The following GABRG3 variants were observed in gnomAD, a reference collection of about 807,000 sequenced individuals.
GABRG3 encodes gamma-aminobutyric acid receptor subunit gamma-3.
A neutral mutation model predicts 48.8 loss-of-function variants in GABRG3; 25 were observed. The observed-to-expected ratio is 0.51, with a 90% CI of 0.37 to 0.72. The LOEUF is 0.72. GABRG3 is among the 30% of genes least tolerant of loss of function. The probability of loss-of-function intolerance (pLI) is 0.00; values close to 1 mark genes in which losing one functional copy is unlikely to be tolerated. For synonymous variants in GABRG3, 227 were observed against 217.6 expected (o/e 1.04, Z -0.38); for missense variants, 394 against 577.9 (o/e 0.68, Z 3.26).
At chr15:27,362,656 G>A (rs897331070) in intron 5 of GABRG3, 10 of 152,182 alleles carry the variant, frequency 6.6e-5, no homozygotes, top group Non-Finnish European at 1.0e-4. Flanking sequence ...CCATATGAAA[G>A]GAACTGGGAT....
At chr15:27,384,529 T>A (rs1303617317) in intron 5 of GABRG3, among the ~76,000 whole-genome samples, 2 of 152,202 alleles carry the variant, frequency 1.3e-5, no homozygotes, top group Non-Finnish European at 2.9e-5. Flanking sequence ...AAGGGGACGT[T>A]GGAGTCAATT....
At chr15:27,252,451 G>C (rs1890489290) in intron 3 of GABRG3, among the ~76,000 whole-genome samples, 1 of 152,196 alleles carries the variant, frequency 6.6e-6, no homozygotes, top group Non-Finnish European at 1.5e-5. Flanking sequence ...TCCTGTGAAG[G>C]TTCAAGGCTC....
At chr15:27,248,938 G>A (rs1278607143) in intron 3 of GABRG3, among the ~76,000 whole-genome samples, 5 of 152,116 alleles carry the variant, frequency 3.3e-5, no homozygotes, top group Admixed American at 2.6e-4. Context: ...GAAGCCATCG[G>A]CGACTGGCCC....
chr15:27,058,789 A>T (rs2140720200), intron 3 of GABRG3, among the ~76,000 whole-genome samples: 2 of 152,316 alleles, frequency 1.3e-5, no homozygotes, highest in Middle Eastern at 6.8e-3. Flanking sequence ...AAAATTGATA[A>T]GTGATTAGCA....
At chr15:27,397,491 T>C (rs1256225382) in intron 5 of GABRG3, among the ~76,000 whole-genome samples, 1 of 152,174 alleles carries the variant, frequency 6.6e-6, no homozygotes, top group Non-Finnish European at 1.5e-5. Flanking sequence ...AACTCTCTTA[T>C]CACCTTCCTT....
intron 3 of GABRG3, among the ~76,000 whole-genome samples, chr15:27,131,156 G>T (rs1346327749): frequency 1.3e-5 from 2 of 152,086 alleles, no homozygotes; most frequent in Non-Finnish European, 2.9e-5. Context: ...TATTGAATGT[G>T]ATGTTGCCAG....
intron 5 of GABRG3, among the ~76,000 whole-genome samples, chr15:27,353,951 C>G (rs949733972): frequency 2.6e-5 from 4 of 152,166 alleles, no homozygotes; most frequent in South Asian, 4.1e-4. Flanking sequence ...TTTCTTTGCT[C>G]TCTCCTGCAC....
intron 2 of GABRG3, among the ~76,000 whole-genome samples, chr15:27,018,318 T>A (rs1435412675): frequency 6.6e-6 from 1 of 152,234 alleles, no homozygotes; most frequent in East Asian, 1.9e-4. Flanking sequence ...AGCTTTCGAG[T>A]ACCTACCCAT....
chr15:26,985,692 C>A (rs1443946983), intron 2 of GABRG3, among the ~76,000 whole-genome samples: 1 of 152,040 alleles, frequency 6.6e-6, no homozygotes, highest in Non-Finnish European at 1.5e-5. Flanking sequence ...AATGGAATAA[C>A]CTCGCCATGC....
rs1457866332 is a variant in GABRG3 at position 27,536,495 on chromosome 15, T to C, written c.*3614T>C. The C allele has an allele frequency of 6.6e-6, 1 of 152,224 alleles. No individual in the cohort carries two copies. The highest frequency in any genetic ancestry group is 2.4e-5 in the African/African-American group (1 of 41,452). The allele number at this position is 152,224 out of a possible 1,614,324, so 9.4% of individuals were successfully genotyped here. On this transcript the variant is annotated 3_prime_UTR_variant, in exon 10 of 10. Coordinates refer to ENST00000615808, the MANE Select transcript of GABRG3 (RefSeq NM_033223.5). ...TGAATGGATGGAAATAGGATTTCAT[T>C]TCTTTATATGCCAAACAGTCTTACC...
At chr15:27,269,678 C>A (rs192560634) in intron 3 of GABRG3, among the ~76,000 whole-genome samples, 1 of 152,172 alleles carries the variant, frequency 6.6e-6, no homozygotes, top group African/African-American at 2.4e-5. Context: ...TCAGGCCCTG[C>A]GTAGTCCTGA....
At chr15:27,231,846 T>C (rs984383) in intron 3 of GABRG3, among the ~76,000 whole-genome samples, 27,906 of 152,184 alleles carry the variant, frequency 0.18, 3,588 homozygotes, top group East Asian at 0.41. Flanking sequence ...CTAAACGTTG[T>C]GAAACATATT....
Position 27,144,598 on chromosome 15 carries a change from A to G in GABRG3, c.270+117777A>G, listed in dbSNP as rs988557298. ...TTCAAAGGAAAAGCTAAGGAGTGAG[A>G]TGTGCATAAGAGGCCTTTGAAAAGA... On this transcript the variant is annotated intron_variant, in intron 3 of 9. Coordinates refer to ENST00000615808, the MANE Select transcript of GABRG3 (RefSeq NM_033223.5). 2.0e-5 allele frequency among the ~76,000 whole-genome samples: 3 copies of G among 152,202 alleles called. No homozygotes were observed. In the East Asian group the frequency reaches 5.8e-4, roughly 29 times the overall value.
At chr15:27,332,792 GCT>G (rs892089085) in intron 5 of GABRG3, among the ~76,000 whole-genome samples, 2 of 152,128 alleles carry the variant, frequency 1.3e-5, no homozygotes, top group Non-Finnish European at 2.9e-5. Context: ...GCTGGTCTTG[GCT>G]CTCTGAGTTT....
intron 7 of GABRG3, among the ~76,000 whole-genome samples, chr15:27,523,064 C>T (rs1328357938): frequency 6.6e-6 from 1 of 151,726 alleles, no homozygotes; most frequent in Middle Eastern, 3.2e-3. Flanking sequence ...CACCTCCTGC[C>T]ATACACAAAA....
chr15:27,212,121 C>T (rs2140435358), intron 3 of GABRG3, among the ~76,000 whole-genome samples: 1 of 152,280 alleles, frequency 6.6e-6, no homozygotes, highest in South Asian at 2.1e-4. Context: ...TGTTTTCAAG[C>T]TGATGTCAAG....
chr15:27,403,914 C>G (rs113046867), intron 5 of GABRG3, among the ~76,000 whole-genome samples: 1 of 68,554 alleles, frequency 1.5e-5, no homozygotes, highest in African/African-American at 5.7e-5. Context: ...CAAAAAAAAA[C>G]AAAAAAAAAA....
intron 3 of GABRG3, chr15:27,280,485 A>G (rs1891399349): frequency 1.3e-5 from 2 of 152,036 alleles, no homozygotes; most frequent in South Asian, 4.2e-4. Flanking sequence ...CCCTCTCAGC[A>G]CTGAGTTAGC....
In GABRG3 at chr15:27,306,481, CAT is replaced by C. The variant is rs1197583553; in HGVS notation, c.271-20320_271-20319del. Among the ~76,000 whole-genome samples, 139 of 136,312 alleles carry C rather than the reference CAT, an allele frequency of 1.0e-3. 4 individuals are homozygous for C. Among genetic ancestry groups the C allele is most frequent in the East Asian group, 2.9e-3 (13 of 4,418 alleles). 89.4% of individuals were successfully genotyped at this position (136,312 alleles called of 152,430 possible). A position where few individuals can be genotyped will look rare whatever the true frequency, so the allele number is the denominator to read the frequency against. ...AAACATAAACATGTCTATATATAAA[CAT>C]ATATATAATATAAACATATGTCTAT... On this transcript the variant is annotated intron_variant, in intron 3 of 9. Coordinates refer to ENST00000615808, the MANE Select transcript of GABRG3 (RefSeq NM_033223.5).
Sources: gnomAD v4.1 joint callset for allele counts (sites outside exome capture counted in the v4.1 genomes callset) on GRCh38, gnomAD v4.1.1 for gene constraint, MANE v1.5 for transcripts, NCBI Gene and HGNC (gene_info 2026-07-23, HGNC 2026-07-21) for gene names.